The following ZDHHC14 variants were observed in gnomAD, a reference collection of about 807,000 sequenced individuals.
The protein encoded by ZDHHC14 is zDHHC palmitoyltransferase 14, also known as palmitoyltransferase ZDHHC14.
Under a neutral mutation model 47.7 loss-of-function variants are expected in ZDHHC14, and 16 were observed. That is an observed-to-expected ratio of 0.34 (90% CI 0.23 to 0.51). The LOEUF (loss-of-function observed/expected upper bound fraction) is 0.51. Among genes scored for constraint, ZDHHC14 ranks in the 20% least tolerant of loss-of-function variants. ZDHHC14 has a pLI of 0.97. For synonymous variants in ZDHHC14, 293 were observed against 278.9 expected (o/e 1.05, Z -0.50); for missense variants, 515 against 662.5 (o/e 0.78, Z 2.44).
chr6:157,434,815 T>A (rs995181469), intron 1 of ZDHHC14, among the ~76,000 whole-genome samples: 2 of 152,178 alleles, frequency 1.3e-5, no homozygotes, highest in African/African-American at 2.4e-5. Context: ...ATTTGCTTAA[T>A]GAAACTGGAC....
chr6:157,602,063 A>G (rs993921985), intron 3 of ZDHHC14, among the ~76,000 whole-genome samples: 22 of 152,100 alleles, frequency 1.4e-4, no homozygotes, highest in African/African-American at 4.6e-4. Flanking sequence ...TTGGCTGGGC[A>G]TGGTAGCACA....
chr6:157,556,071 G>T (rs965190285), intron 2 of ZDHHC14, among the ~76,000 whole-genome samples: 1 of 152,300 alleles, frequency 6.6e-6, no homozygotes, highest in East Asian at 1.9e-4. Flanking sequence ...GAGAAGGGAG[G>T]TGTTATTTTA....
intron 1 of ZDHHC14, among the ~76,000 whole-genome samples, chr6:157,387,404 A>G (rs1465007891): frequency 5.3e-5 from 8 of 152,190 alleles, no homozygotes; most frequent in Non-Finnish European, 1.2e-4. Context: ...ATAATATATA[A>G]TAACCCCATA....
At chr6:157,645,440 G>A (rs1305104727) in intron 5 of ZDHHC14, among the ~76,000 whole-genome samples, 1 of 152,166 alleles carries the variant, frequency 6.6e-6, no homozygotes, top group Non-Finnish European at 1.5e-5. Flanking sequence ...AAAAGGTGAA[G>A]TTCAAGTAGA....
At position 157,578,787 on chromosome 6, in the gene ZDHHC14, C is replaced by T. The variant is rs1273042762; in HGVS notation, c.407-14201C>T. Among the ~76,000 whole-genome samples, 3 of 152,232 alleles carry T rather than the reference C, an allele frequency of 2.0e-5. No individual in the cohort carries two copies. The East Asian group carries it at 5.8e-4, about 29-fold the overall frequency. On this transcript the variant is annotated intron_variant, in intron 2 of 8. Transcript: ENST00000359775. The stretch of plus-strand genomic sequence containing the variant: ...TGCCCTGTGAAGAAGGTGCCTGCTT[C>T]TCTTTGCCTTCCACCATGATTGTAA...
At chr6:157,574,779 C>T (rs187774759) in intron 2 of ZDHHC14, among the ~76,000 whole-genome samples, 78 of 152,336 alleles carry the variant, frequency 5.1e-4, no homozygotes, top group African/African-American at 1.7e-3. Context: ...GCTTGTATTC[C>T]AGATCCCTCC....
intron 1 of ZDHHC14, among the ~76,000 whole-genome samples, chr6:157,537,724 A>G (rs1258207815): frequency 1.3e-5 from 2 of 152,136 alleles, no homozygotes; most frequent in Non-Finnish European, 2.9e-5. Context: ...TTGGGGATGG[A>G]GTCTTCCTCA....
chr6:157,455,905 G>A (rs1283073419), intron 1 of ZDHHC14, among the ~76,000 whole-genome samples: 1 of 152,204 alleles, frequency 6.6e-6, no homozygotes, highest in Non-Finnish European at 1.5e-5. Context: ...AGCTATCTCC[G>A]TGTCAATGGC....
chr6:157,632,100 G>A (rs1785771020), intron 4 of ZDHHC14: 1 of 152,318 alleles, frequency 6.6e-6, no homozygotes, highest in African/African-American at 2.4e-5. Flanking sequence ...ATGCCACAGG[G>A]ACACCATAGC....
intron 8 of ZDHHC14, among the ~76,000 whole-genome samples, chr6:157,658,016 G>A (rs545203631): frequency 2.0e-5 from 3 of 152,332 alleles, no homozygotes; most frequent in Admixed American, 2.0e-4. Flanking sequence ...TGAGGATTAA[G>A]TTAAGACATG....
At chr6:157,433,156 C>G (rs1778372306) in intron 1 of ZDHHC14, among the ~76,000 whole-genome samples, 1 of 152,210 alleles carries the variant, frequency 6.6e-6, no homozygotes, top group African/African-American at 2.4e-5. Context: ...TGCATTTGGG[C>G]ATGAAACCGA....
chr6:157,499,094 T>C lies in ZDHHC14; in HGVS notation c.246-43491T>C, dbSNP rs113212825. On this transcript the variant is annotated intron_variant, in intron 1 of 8. Transcript: ENST00000359775. ...ATGCTGATAACCTGCCCAGTTTTAA[T>C]CCCATTTGCCCCCTGTAGCTCATAA... Among the ~76,000 whole-genome samples, 278 of 152,272 alleles carry C rather than the reference T, an allele frequency of 1.8e-3. 1 individual carries two copies. Among genetic ancestry groups the C allele is most frequent in the African/African-American group, 6.2e-3 (257 of 41,560 alleles).
chr6:157,572,293 A>T (rs139411203), intron 2 of ZDHHC14, among the ~76,000 whole-genome samples: 496 of 152,196 alleles, frequency 3.3e-3, no homozygotes, highest in African/African-American at 0.011. Context: ...ACATCTCTAG[A>T]TGGTTTCAGA....
intron 1 of ZDHHC14, among the ~76,000 whole-genome samples, chr6:157,510,358 C>A (rs1780434096): frequency 6.6e-6 from 1 of 152,212 alleles, no homozygotes; most frequent in Admixed American, 6.5e-5. Context: ...AAAGAATGTT[C>A]CAGATGCTCA....
chr6:157,627,576 T>C (rs1010240634), intron 3 of ZDHHC14, among the ~76,000 whole-genome samples: 4 of 152,206 alleles, frequency 2.6e-5, no homozygotes, highest in Non-Finnish European at 5.9e-5. Flanking sequence ...TAGGGTACCA[T>C]GGGTAACCAT....
At chr6:157,625,056 A>G (rs1355435139) in intron 3 of ZDHHC14, among the ~76,000 whole-genome samples, 1 of 152,162 alleles carries the variant, frequency 6.6e-6, no homozygotes, top group East Asian at 1.9e-4. Context: ...CAATAACAGC[A>G]TTAATCCTAA....
At chr6:157,636,398 G>A (rs1400042860) in intron 5 of ZDHHC14, among the ~76,000 whole-genome samples, 1 of 151,814 alleles carries the variant, frequency 6.6e-6, no homozygotes, top group Non-Finnish European at 1.5e-5. Flanking sequence ...AGTAAGTACA[G>A]ATGTAGACAG....
At chr6:157,605,694 C>G (rs771486866) in intron 3 of ZDHHC14, among the ~76,000 whole-genome samples, 20 of 152,164 alleles carry the variant, frequency 1.3e-4, no homozygotes, top group Non-Finnish European at 2.9e-4. Context: ...GGTGACAAGT[C>G]AGATTTTAAC....
chr6:157,483,116 A>G (rs1311798408), intron 1 of ZDHHC14, among the ~76,000 whole-genome samples: 1 of 152,166 alleles, frequency 6.6e-6, no homozygotes, highest in Non-Finnish European at 1.5e-5. Flanking sequence ...TGGTAGCTAT[A>G]AGCATGCTGA....
Sources: allele counts gnomAD v4.1 joint callset (sites outside exome capture counted in the v4.1 genomes callset), GRCh38; gene constraint gnomAD v4.1.1; transcripts MANE v1.5; gene names NCBI Gene and HGNC (gene_info 2026-07-23, HGNC 2026-07-21).